Variants in ZMIZ2 observed in about 807,000 individuals in gnomAD.
ZMIZ2 encodes zinc finger MIZ-type containing 2, also known as zinc finger MIZ domain-containing protein 2.
In ZMIZ2, 26 loss-of-function variants were observed where a neutral mutation model predicts 93.9. That is an observed-to-expected ratio of 0.28 (90% CI 0.20 to 0.38). The LOEUF (loss-of-function observed/expected upper bound fraction) is 0.38, where lower values mean the gene tolerates loss of function less well. Among genes scored for constraint, ZMIZ2 ranks in the 10% least tolerant of loss-of-function variants. The probability of loss-of-function intolerance (pLI) is 1.00; values close to 1 mark genes in which losing one functional copy is unlikely to be tolerated. For synonymous variants in ZMIZ2, 485 were observed against 516.4 expected (o/e 0.94, Z 0.82); for missense variants, 1,023 against 1,235.0 (o/e 0.83, Z 2.57).
chr7:44,754,305 C>A (rs998007562), intron 1 of ZMIZ2, among the ~76,000 whole-genome samples: 4 of 152,162 alleles, frequency 2.6e-5, no homozygotes, highest in Non-Finnish European at 5.9e-5. Context: ...AGCCATCAGC[C>A]CCTGGTTTTC....
intron 3 of ZMIZ2, 127 bp from the exon 4 acceptor site, chr7:44,756,820 T>C: frequency 8.4e-7 from 1 of 1,189,762 alleles, no homozygotes; most frequent in Non-Finnish European, 1.2e-6. Context: ...CTTCCCGTGC[T>C]ATACCCTGTC....
chr7:44,754,995 G>A (rs1790468926), intron 1 of ZMIZ2, among the ~76,000 whole-genome samples: 1 of 152,316 alleles, frequency 6.6e-6, no homozygotes, highest in Admixed American at 6.5e-5. Context: ...TCCAGGGCAT[G>A]TCTGGGCCTG....
intron 1 of ZMIZ2, among the ~76,000 whole-genome samples, chr7:44,752,058 A>T (rs1000951859): frequency 2.6e-5 from 4 of 152,232 alleles, no homozygotes; most frequent in African/African-American, 9.6e-5. Flanking sequence ...CAATGGTAAC[A>T]TCTTGGAAAA....
In ZMIZ2 at chr7:44,766,322, C is replaced by T. The variant is rs201116372; in HGVS notation, c.2401C>T (p.Leu801Phe). The part of the protein sequence containing the change: ...LLTSEKSTAC[L>F]PSQMAPAGHL... ...GACTTCAGAGAAGTCTACCGCCTGC[C>T]TCCCAAGCCAGGTCAGTGCCAAGCC... The change falls in exon 17 of 19, where the codon CTC becomes TTC. Residue 801 changes from leucine to phenylalanine, a missense_variant. Physicochemically the swap from Leu to Phe is conservative, Grantham distance 22. Transcript: ENST00000309315. The surrounding 1 kb of genome is among the most constrained non-coding windows in gnomAD (Gnocchi z 4.4). The T allele has an allele frequency of 9.1e-5, 145 of 1,596,432 alleles. 1 individual carries two copies. The highest frequency in any genetic ancestry group is 4.2e-4 in the South Asian group (37 of 88,120).
rs576603826 is a variant in ZMIZ2 at position 44,768,172 on chromosome 7, C to T, written c.*549C>T. 1.9e-5 allele frequency: 3 copies of T among 161,694 alleles called. No homozygotes were observed. Among genetic ancestry groups the T allele is most frequent in the Admixed American group, 6.1e-5 (1 of 16,332 alleles). The allele number at this position is 161,694 out of a possible 1,614,324, so 10.0% of individuals were successfully genotyped here. A position where few individuals can be genotyped will look rare whatever the true frequency, so the allele number is the denominator to read the frequency against. On this transcript the variant is annotated 3_prime_UTR_variant, in exon 19 of 19. Transcript: ENST00000309315. ...GGGCCTGGAGCTCTGGCAGCCCAGC[C>T]GTGTGTGGTGTCAGGTTCCTCTCCC...
In ZMIZ2 at chr7:44,766,276, T is replaced by G; in HGVS notation, c.2355T>G (p.Ser785=). The G allele has an allele frequency of 1.9e-6, 3 of 1,590,214 alleles. No homozygotes were observed. The highest frequency in any genetic ancestry group is 2.6e-6 in the Non-Finnish European group (3 of 1,166,934). ...GACCACCCCCCATCTCCTACCAGTCTGACATTCCCAGCAGCCTCCTGACTT... is the reference window on the plus strand; with the variant it reads ...GACCACCCCCCATCTCCTACCAGTCGGACATTCCCAGCAGCCTCCTGACTT... ...TPGPPPISYQ[S]DIPSSLLTSE... The change falls in exon 17 of 19, where the codon TCT becomes TCG. Residue 785 remains serine (S), a synonymous_variant. Coordinates refer to ENST00000309315, the MANE Select transcript of ZMIZ2 (RefSeq NM_031449.4). The surrounding 1 kb of genome is among the most constrained non-coding windows in gnomAD (Gnocchi z 4.4).
At position 44,761,837 on chromosome 7, in the gene ZMIZ2, C is replaced by G; in HGVS notation, c.1528C>G (p.Leu510Val). 6.2e-7 allele frequency: 1 copy of G among 1,614,110 alleles called. No individual in the cohort carries two copies. The highest frequency in any genetic ancestry group is 2.2e-5 in the East Asian group (1 of 44,888). Reference protein sequence around the residue: ...RGDNKTSHKPLYLKHVCQPGR... With the variant: ...RGDNKTSHKPVYLKHVCQPGR... ...CGACAACAAGACCTCGCACAAGCCA[C>G]TCTACCTGAAGCATGTGTGCCAGCC... The change falls in exon 11 of 19, where the codon CTC (leucine) becomes GTC (valine). Residue 510 changes from leucine (L) to valine (V), a missense_variant. Physicochemically the swap from Leu to Val is conservative, Grantham distance 32 (BLOSUM62 1). Coordinates refer to ENST00000309315, the MANE Select transcript of ZMIZ2 (RefSeq NM_031449.4). This position sits in a 1 kb window ranked among gnomAD's most constrained non-coding sequence, Gnocchi z 5.8.
At chr7:44,764,344 A>T (rs1477665323) in intron 13 of ZMIZ2, 75 bp from the exon 14 acceptor site, 3 of 1,391,436 alleles carry the variant, frequency 2.2e-6, no homozygotes, top group Non-Finnish European at 3.0e-6. Flanking sequence ...ATTCCTGAAA[A>T]GGGATTGCAG....
chr7:44,752,273 G>A (rs760872825), intron 1 of ZMIZ2, among the ~76,000 whole-genome samples: 12 of 151,980 alleles, frequency 7.9e-5, no homozygotes, highest in Admixed American at 3.9e-4. Context: ...GATTACAGGC[G>A]CCCACCACTA....
intron 1 of ZMIZ2, among the ~76,000 whole-genome samples, chr7:44,749,302 G>T (rs958160646): frequency 6.6e-6 from 1 of 152,134 alleles, no homozygotes; most frequent in African/African-American, 2.4e-5. Context: ...TGGCCGAGGG[G>T]TGTAAGCGGC....
Position 44,765,651 on chromosome 7 carries a change from C to A in ZMIZ2, c.2242+72C>A. 6.5e-7 allele frequency: 1 copy of A among 1,541,842 alleles called. No individual in the cohort carries two copies. The highest frequency in any genetic ancestry group is 1.2e-5 in the South Asian group (1 of 83,528). On this transcript the variant is annotated intron_variant, in intron 16 of 18. Coordinates refer to ENST00000309315, the MANE Select transcript of ZMIZ2 (RefSeq NM_031449.4). This position sits in a 1 kb window ranked among gnomAD's most constrained non-coding sequence, Gnocchi z 4.1. The stretch of plus-strand genomic sequence containing the variant: ...TGGCTCCTCTCCCCAGATCAGTCTC[C>A]TCACCTGCAAGAATGTGGCTATGCA...
chr7:44,754,765 G>T (rs1333667671), intron 1 of ZMIZ2, among the ~76,000 whole-genome samples: 1 of 152,212 alleles, frequency 6.6e-6, no homozygotes, highest in Non-Finnish European at 1.5e-5. Context: ...GCATGTCTGT[G>T]TGTGTGGCAG....
intron 5 of ZMIZ2, 49 bp downstream of exon 5, chr7:44,757,610 TG>T: frequency 6.5e-7 from 1 of 1,539,076 alleles, no homozygotes; most frequent in African/African-American, 1.4e-5. Flanking sequence ...CCTGAGGGCC[TG>T]GGAGGAGGTA....
chr7:44,748,986 G>C lies in ZMIZ2; in HGVS notation c.-68G>C, dbSNP rs1490706720. On this transcript the variant is annotated 5_prime_UTR_variant, in exon 1 of 19. Transcript: ENST00000309315. The stretch of plus-strand genomic sequence containing the variant: ...ACGGCGAGGGGCCGGGCCAGGCCGG[G>C]CGGAGGTGAGCGGGGTCCTGGGGGT... The C allele has an allele frequency of 6.6e-6, 1 of 150,444 alleles. No homozygotes were observed. The highest frequency in any genetic ancestry group is 1.5e-5 in the Non-Finnish European group (1 of 67,256). The allele number at this position is 150,444 out of a possible 1,614,324, so 9.3% of individuals were successfully genotyped here. A position where few individuals can be genotyped will look rare whatever the true frequency, so the allele number is the denominator to read the frequency against.
intron 18 of ZMIZ2, 119 bp from the exon 19 acceptor site, chr7:44,767,397 G>C: frequency 2.3e-6 from 2 of 879,562 alleles, no homozygotes; most frequent in Non-Finnish European, 3.6e-6. Context: ...TGTGTGAGGA[G>C]GGGCTGCTCA....
In ZMIZ2 at chr7:44,765,948, C is replaced by T; in HGVS notation, c.2243-216C>T. ...GTGGCTGCTCCCATTCCTATAACCTCCGAGACCTTCACTCCTAGGAATGTC... is the reference window on the plus strand; with the variant it reads ...GTGGCTGCTCCCATTCCTATAACCTTCGAGACCTTCACTCCTAGGAATGTC... On this transcript the variant is annotated intron_variant, in intron 16 of 18. Transcript: ENST00000309315. The surrounding 1 kb of genome is among the most constrained non-coding windows in gnomAD (Gnocchi z 4.1). 1 of 1,404,580 alleles carries T rather than the reference C, an allele frequency of 7.1e-7. No homozygotes were observed. Among genetic ancestry groups the T allele is most frequent in the Non-Finnish European group, 9.2e-7 (1 of 1,085,526 alleles). The allele number at this position is 1,404,580 out of a possible 1,614,324, so 87.0% of individuals were successfully genotyped here.
At position 44,763,762 on chromosome 7, in the gene ZMIZ2, T is replaced by C. The variant is rs1791430914; in HGVS notation, c.1860+349T>C. On this transcript the variant is annotated intron_variant, in intron 13 of 18. Transcript: ENST00000309315. This position sits in a 1 kb window ranked among gnomAD's most constrained non-coding sequence, Gnocchi z 5.6. ...CAGAAATACTCTGGGTATGAACAAG[T>C]AGATGCACAGCCCACTGTCTCTGTG... 3.8e-6 allele frequency: 1 copy of C among 261,312 alleles called. No homozygotes were observed. Among genetic ancestry groups the C allele is most frequent in the Non-Finnish European group, 7.4e-6 (1 of 135,344 alleles). 16.2% of individuals were successfully genotyped at this position (261,312 alleles called of 1,614,324 possible).
Position 44,768,861 on chromosome 7 carries a change from A to G in ZMIZ2, c.*1238A>G, listed in dbSNP as rs1400386235. ...GGTTGAGCTCTGGATGTTTCAAGCC[A>G]AGGCTCGGCTATTCCCGCCCCATAG... On this transcript the variant is annotated 3_prime_UTR_variant, in exon 19 of 19. Transcript: ENST00000309315. The G allele has an allele frequency of 6.6e-6, 1 of 152,236 alleles. No homozygotes were observed. The highest frequency in any genetic ancestry group is 1.9e-4 in the East Asian group (1 of 5,194). 9.4% of individuals were successfully genotyped at this position (152,236 alleles called of 1,614,324 possible).
intron 5 of ZMIZ2, 106 bp from the exon 6 acceptor site, chr7:44,757,742 G>A: frequency 3.2e-6 from 4 of 1,266,346 alleles, no homozygotes; most frequent in Non-Finnish European, 4.2e-6. Context: ...GGGGTGTCCT[G>A]TGAAAGGGTA....
Sources: gnomAD v4.1 joint callset for allele counts (sites outside exome capture counted in the v4.1 genomes callset) on GRCh38, gnomAD v4.1.1 for gene constraint, Gnocchi (gnomAD v3.1) non-coding constraint, MANE v1.5 for transcripts, NCBI Gene and HGNC (gene_info 2026-07-23, HGNC 2026-07-21) for gene names.